SLC17A7: variants seen among roughly 807,000 people sequenced by gnomAD.
The protein encoded by SLC17A7 is vesicular glutamate transporter 1.
Under a neutral mutation model 59.1 loss-of-function variants are expected in SLC17A7, and 15 were observed. The observed-to-expected ratio is 0.25, with a 90% confidence interval of 0.17 to 0.39. SLC17A7 has a LOEUF of 0.39. Ranked by LOEUF, SLC17A7 falls within the 10% of genes least tolerant of loss-of-function variation. SLC17A7 has a pLI of 1.00. For missense variants in SLC17A7, 499 were observed against 765.1 expected (o/e 0.65, Z 4.10); for synonymous variants, 353 against 308.9 (o/e 1.14, Z -1.50).
Position 49,432,563 on chromosome 19 carries a change from C to A in SLC17A7, c.1106G>T (p.Arg369Leu), listed in dbSNP as rs368446675. The A allele has an allele frequency of 6.2e-7, 1 of 1,610,326 alleles. No homozygotes were observed. Among genetic ancestry groups the A allele is most frequent in the Non-Finnish European group, 8.5e-7 (1 of 1,178,988 alleles). Residue 369 changes from arginine to leucine, a missense_variant, in exon 9 of 12, where the codon CGC becomes CTC. Physicochemically the swap from Arg to Leu is moderately radical, Grantham distance 102. Transcript: ENST00000221485. ...GQIADFLRSR[R>L]IMSTTNVRKL... is the part of the protein sequence containing the mutation. ...GCGCACGTTGGTGGTGGACATGATG[C>A]GGCGGCTCCGCAGGAAGTCCGCGAT... is the stretch of plus-strand genomic sequence containing the variant.
intron 1 of SLC17A7, among the ~76,000 whole-genome samples, chr19:49,438,494 G>C (rs573463390): frequency 7.2e-5 from 11 of 152,020 alleles, no homozygotes; most frequent in Non-Finnish European, 1.3e-4. Context: ...ACAGCCAGAC[G>C]GTCCAGGGGG....
At position 49,433,554 on chromosome 19, in the gene SLC17A7, G is replaced by T; in HGVS notation, c.867+172C>A. 1 of 875,068 alleles carries T rather than the reference G, an allele frequency of 1.1e-6. No homozygotes were observed. 54.2% of individuals were successfully genotyped at this position (875,068 alleles called of 1,614,324 possible). A position where few individuals can be genotyped will look rare whatever the true frequency, so the allele number is the denominator to read the frequency against. ...CGACCTAACCCTGCCCCCAGCACCTGAGAATCTCGTCCTCCGCGGGTTGCA... is the reference window on the plus strand; with the variant it reads ...CGACCTAACCCTGCCCCCAGCACCTTAGAATCTCGTCCTCCGCGGGTTGCA... On this transcript the variant is annotated intron_variant, in intron 7 of 11. Coordinates refer to ENST00000221485, the MANE Select transcript of SLC17A7 (RefSeq NM_020309.4). The surrounding 1 kb of genome is among the most constrained non-coding windows in gnomAD (Gnocchi z 5.7).
At position 49,432,797 on chromosome 19, in the gene SLC17A7, C is replaced by T; in HGVS notation, c.1017+14G>A. 6.3e-7 allele frequency: 1 copy of T among 1,587,762 alleles called. No homozygotes were observed. The highest frequency in any genetic ancestry group is 8.6e-7 in the Non-Finnish European group (1 of 1,166,848). ...CCCCTCCGCGCCCCCCTGCCCTCTCCTCCTGGGCTCTACCTTGCTGATCTC... is the reference window on the plus strand; with the variant it reads ...CCCCTCCGCGCCCCCCTGCCCTCTCTTCCTGGGCTCTACCTTGCTGATCTC... On this transcript the variant is annotated intron_variant, in intron 8 of 11. Transcript: ENST00000221485.
rs759921117 is a variant in SLC17A7, at chr19:49,433,260, T to C, written c.868-300A>G. On this transcript the variant is annotated intron_variant, in intron 7 of 11. Transcript: ENST00000221485. The surrounding 1 kb of genome is among the most constrained non-coding windows in gnomAD (Gnocchi z 5.7). ...TTTTTCTTTTTATTTTTACTTTTTG[T>C]ATTTTGTATTTTGAGTAGAGACGGG... is the stretch of plus-strand genomic sequence containing the variant. The C allele has an allele frequency of 9.4e-6, 4 of 424,646 alleles. No homozygotes were observed. The highest frequency in any genetic ancestry group is 1.7e-5 in the Non-Finnish European group (4 of 236,602). The allele number at this position is 424,646 out of a possible 1,614,324, so 26.3% of individuals were successfully genotyped here.
chr19:49,435,131 T>G, intron 3 of SLC17A7, 37 bp downstream of exon 3: 1 of 1,481,370 alleles, frequency 6.8e-7, no homozygotes. Flanking sequence ...CCCACACAAC[T>G]GTAGTTACCG....
At chr19:49,438,604 G>A (rs1300195304) in intron 1 of SLC17A7, among the ~76,000 whole-genome samples, 2 of 152,046 alleles carry the variant, frequency 1.3e-5, no homozygotes, top group Non-Finnish European at 2.9e-5. Flanking sequence ...GGAGAAGCCA[G>A]GGAGTGGACA....
In SLC17A7 at chr19:49,431,828, A is replaced by T. The variant is rs937145676; in HGVS notation, c.1151-380T>A. Among the ~76,000 whole-genome samples the T allele has an allele frequency of 3.2e-4, 49 of 151,580 alleles. No individual in the cohort carries two copies. Among genetic ancestry groups the T allele is most frequent in the Non-Finnish European group, 4.1e-4 (28 of 67,906 alleles). On this transcript the variant is annotated intron_variant, in intron 9 of 11. Transcript: ENST00000221485. This position sits in a 1 kb window ranked among gnomAD's most constrained non-coding sequence, Gnocchi z 4.6. ...TGATTTTTTATTTTTTTTAAGAGAC[A>T]AAGTCTCACGACGTTGCCCAGGCTG... is the stretch of plus-strand genomic sequence containing the variant.
intron 1 of SLC17A7, among the ~76,000 whole-genome samples, chr19:49,440,752 G>A (rs936810663): frequency 6.6e-6 from 1 of 152,186 alleles, no homozygotes; most frequent in Non-Finnish European, 1.5e-5. Flanking sequence ...TTAAAACACA[G>A]AGACGGGGAC....
intron 1 of SLC17A7, among the ~76,000 whole-genome samples, chr19:49,439,948 C>G (rs908553545): frequency 6.6e-6 from 1 of 152,052 alleles, no homozygotes; most frequent in Non-Finnish European, 1.5e-5. Flanking sequence ...CTCTCTCATT[C>G]TCCTGACTTC....
chr19:49,433,231 T>C lies in SLC17A7; in HGVS notation c.868-271A>G. ...CGGGCCCCTCAGGGACCTGTCTTTT[T>C]CTTTTTTTCTTTTTATTTTTACTTT... On this transcript the variant is annotated intron_variant, in intron 7 of 11. Coordinates refer to ENST00000221485, the MANE Select transcript of SLC17A7 (RefSeq NM_020309.4). The surrounding 1 kb of genome is among the most constrained non-coding windows in gnomAD (Gnocchi z 5.7). 1 of 492,860 alleles carries C rather than the reference T, an allele frequency of 2.0e-6. No homozygotes were observed. Among genetic ancestry groups the C allele is most frequent in the Non-Finnish European group, 3.6e-6 (1 of 279,816 alleles). The allele number at this position is 492,860 out of a possible 1,614,324, so 30.5% of individuals were successfully genotyped here. A position where few individuals can be genotyped will look rare whatever the true frequency, so the allele number is the denominator to read the frequency against.
intron 2 of SLC17A7, 174 bp from the exon 3 acceptor site, chr19:49,435,460 TC>T: frequency 1.7e-6 from 1 of 585,696 alleles, no homozygotes; most frequent in South Asian, 2.1e-5. Context: ...GTCTACAAAC[TC>T]CGCTCTTCCA....
rs766859282 is a variant in SLC17A7 at position 49,433,870 on chromosome 19, TG to T, written c.725-3del. 2 of 1,610,430 alleles carry T rather than the reference TG, an allele frequency of 1.2e-6. No homozygotes were observed. Among genetic ancestry groups the T allele is most frequent in the African/African-American group, 2.7e-5 (2 of 74,596 alleles). On this transcript the variant is annotated splice_region_variant and splice_polypyrimidine_tract_variant and intron_variant, in intron 6 of 11. Transcript: ENST00000221485. This position sits in a 1 kb window ranked among gnomAD's most constrained non-coding sequence, Gnocchi z 5.7. The stretch of plus-strand genomic sequence containing the variant: ...GGTACCAGAAGATCCCGAAGCTGCC[TG>T]GGGGGGTCAGGAGGGGGATGGGAGC...
chr19:49,432,541 C>T lies in SLC17A7; in HGVS notation c.1128G>A (p.Val376=). The T allele has an allele frequency of 6.2e-7, 1 of 1,613,600 alleles. No homozygotes were observed. The highest frequency in any genetic ancestry group is 8.5e-7 in the Non-Finnish European group (1 of 1,179,800). ...CACCTCCGCAGTTCATCAACTTGCG[C>T]ACGTTGGTGGTGGACATGATGCGGC... is the stretch of plus-strand genomic sequence containing the variant. ...RSRRIMSTTN[V]RKLMNCGGFG... is the part of the protein sequence containing the mutation. The change falls in exon 9 of 12, where the codon GTG becomes GTA. Residue 376 remains valine, a synonymous_variant. Transcript: ENST00000221485.
chr19:49,437,091 C>T (rs1304001160), intron 1 of SLC17A7: 5 of 514,156 alleles, frequency 9.7e-6, no homozygotes, highest in Non-Finnish European at 1.8e-5. Context: ...AGACTTAGAC[C>T]CCAGACAACC....
In SLC17A7 at chr19:49,436,632, C is replaced by T. The variant is rs1480974736; in HGVS notation, c.232G>A (p.Gly78Ser). Residue 78 changes from glycine (G) to serine (S), a missense_variant, in exon 2 of 12, where the codon GGC (glycine) becomes AGC (serine). Coordinates refer to ENST00000221485, the MANE Select transcript of SLC17A7 (RefSeq NM_020309.4). The surrounding 1 kb of genome is among the most constrained non-coding windows in gnomAD (Gnocchi z 4.1). ...MSGLGFCISF[G>S]IRCNLGVAIV... The stretch of plus-strand genomic sequence containing the variant: ...GCCACGCCCAGGTTGCAGCGGATGC[C>T]AAAGCTGATGCAGAAGCCCAGACCA... 1.2e-6 allele frequency: 2 copies of T among 1,613,910 alleles called. No homozygotes were observed. Among genetic ancestry groups the T allele is most frequent in the Non-Finnish European group, 1.7e-6 (2 of 1,179,992 alleles).
In SLC17A7 at chr19:49,433,452, C is replaced by A. The variant is rs552280251; in HGVS notation, c.867+274G>T. ...ATACAGCCTCAACTCAAGGTCTAAG[C>A]AAAACCCCCACATTCTAATCCCTTC... On this transcript the variant is annotated intron_variant, in intron 7 of 11. Transcript: ENST00000221485. The surrounding 1 kb of genome is among the most constrained non-coding windows in gnomAD (Gnocchi z 5.7). 9 of 567,446 alleles carry A rather than the reference C, an allele frequency of 1.6e-5. No homozygotes were observed. The highest frequency in any genetic ancestry group is 1.5e-4 in the African/African-American group (8 of 53,662). The allele number at this position is 567,446 out of a possible 1,614,324, so 35.2% of individuals were successfully genotyped here. A position where few individuals can be genotyped will look rare whatever the true frequency, so the allele number is the denominator to read the frequency against.
rs1053043869 is a variant in SLC17A7 at position 49,431,270 on chromosome 19, T to A, written c.1261+68A>T. 4.4e-6 allele frequency: 7 copies of A among 1,588,268 alleles called. No homozygotes were observed. The African/African-American group carries it at 9.4e-5, about 21-fold the overall frequency. On this transcript the variant is annotated intron_variant, in intron 10 of 11. Transcript: ENST00000221485. The surrounding 1 kb of genome is among the most constrained non-coding windows in gnomAD (Gnocchi z 4.6). ...CCTTTTGTGAGGCTGAGAGGCCCCG[T>A]TCCTGAGCCAGGAAGTTCCCTACAG...
rs377390305 is a variant in SLC17A7 at position 49,431,786 on chromosome 19, T to G, written c.1151-338A>C. Reference sequence around the variant, plus strand: ...ATCCCCACTCATGAGTTTTTGGTTTTTTTTTTTTTTAATTTTTGATTTTTT... The same window carrying G: ...ATCCCCACTCATGAGTTTTTGGTTTGTTTTTTTTTTAATTTTTGATTTTTT... On this transcript the variant is annotated intron_variant, in intron 9 of 11. Transcript: ENST00000221485. The surrounding 1 kb of genome is among the most constrained non-coding windows in gnomAD (Gnocchi z 4.6). Among the ~76,000 whole-genome samples, 5 of 149,378 alleles carry G rather than the reference T, an allele frequency of 3.3e-5. No homozygotes were observed. Among genetic ancestry groups the G allele is most frequent in the South Asian group, 4.2e-4 (2 of 4,790 alleles).
intron 1 of SLC17A7, among the ~76,000 whole-genome samples, chr19:49,440,329 G>A (rs2078995448): frequency 6.6e-6 from 1 of 152,214 alleles, no homozygotes; most frequent in Admixed American, 6.5e-5. Flanking sequence ...TGCTGATGAG[G>A]CCATCTCCTT....
Sources: allele counts gnomAD v4.1 joint callset (sites outside exome capture counted in the v4.1 genomes callset), GRCh38; gene constraint gnomAD v4.1.1; non-coding constraint Gnocchi (gnomAD v3.1); transcripts MANE v1.5; gene names NCBI Gene and HGNC (gene_info 2026-07-23, HGNC 2026-07-21).